The following POFUT3 variants were observed in gnomAD, a reference collection of about 807,000 sequenced individuals.
The protein encoded by POFUT3 is protein O-fucosyltransferase 3.
chr8:33,444,737 G>C, the POFUT3 span, among the ~76,000 whole-genome samples: 6 of 151,980 alleles, frequency 3.9e-5, no homozygotes, highest in African/African-American at 1.5e-4. Flanking sequence ...AGAATCACTT[G>C]AACCCAGGAG....
the POFUT3 span, among the ~76,000 whole-genome samples, chr8:33,315,669 G>A: frequency 6.6e-6 from 1 of 152,078 alleles, no homozygotes; most frequent in East Asian, 1.9e-4. Flanking sequence ...GTTGGGATAA[G>A]TTTTATTGCT....
chr8:33,429,988 T>C, the POFUT3 span, among the ~76,000 whole-genome samples: 1 of 103,940 alleles, frequency 9.6e-6, no homozygotes, highest in Non-Finnish European at 1.9e-5. Context: ...AGAGTGAGAC[T>C]CCATCTCAAA....
chr8:33,395,124 T>C, the POFUT3 span, among the ~76,000 whole-genome samples: 793 of 152,270 alleles, frequency 5.2e-3, 5 homozygotes, highest in Non-Finnish European at 6.8e-3. Context: ...GTGGGAATGA[T>C]ACAGACAGGA....
At chr8:33,337,176 TG>T in the POFUT3 span, among the ~76,000 whole-genome samples, 6,404 of 152,238 alleles carry the variant, frequency 0.042, 420 homozygotes, top group African/African-American at 0.15. Flanking sequence ...AAGGGAAAAG[TG>T]GCTACATTTA....
the POFUT3 span, among the ~76,000 whole-genome samples, chr8:33,385,343 T>G: frequency 2.0e-5 from 3 of 152,256 alleles, no homozygotes; most frequent in East Asian, 5.8e-4. Context: ...TTGAATTCAT[T>G]GTGCAAGCAG....
the POFUT3 span, among the ~76,000 whole-genome samples, chr8:33,311,815 G>C: frequency 6.6e-6 from 1 of 152,074 alleles, no homozygotes; most frequent in South Asian, 2.1e-4. Context: ...GTGGTGGATA[G>C]AATCATGTCC....
At chr8:33,460,602 A>AT in the POFUT3 span, 1 of 295,208 alleles carries the variant, frequency 3.4e-6, no homozygotes, top group East Asian at 1.7e-4. Context: ...TTCAAAAGTG[A>AT]TAACAATAGG....
the POFUT3 span, among the ~76,000 whole-genome samples, chr8:33,381,597 A>T: frequency 6.6e-6 from 1 of 152,204 alleles, no homozygotes; most frequent in Admixed American, 6.5e-5. Flanking sequence ...TCTGGTGGTG[A>T]TTTAGTACCA....
chr8:33,448,801 G>A, the POFUT3 span, among the ~76,000 whole-genome samples: 15 of 152,010 alleles, frequency 9.9e-5, no homozygotes, highest in African/African-American at 3.6e-4. Context: ...AGGCATGGTG[G>A]TGCACTCCTA....
At chr8:33,460,750 A>G in the POFUT3 span, 5 of 985,202 alleles carry the variant, frequency 5.1e-6, no homozygotes, top group Non-Finnish European at 6.0e-6. Flanking sequence ...TGACACGTCC[A>G]TTCACTAAAC....
the POFUT3 span, among the ~76,000 whole-genome samples, chr8:33,422,991 A>AT: frequency 6.6e-6 from 1 of 151,954 alleles, no homozygotes; most frequent in South Asian, 2.1e-4. Context: ...AATTCTTTGT[A>AT]TTTTTTGTAA....
chr8:33,359,366 T>C, the POFUT3 span, among the ~76,000 whole-genome samples: 1 of 152,222 alleles, frequency 6.6e-6, no homozygotes, highest in African/African-American at 2.4e-5. Flanking sequence ...TATTCTCAAA[T>C]TGCCACTTCT....
At chr8:33,414,167 A>T in the POFUT3 span, among the ~76,000 whole-genome samples, 3 of 152,102 alleles carry the variant, frequency 2.0e-5, no homozygotes, top group African/African-American at 4.8e-5. Flanking sequence ...AACCACCAAG[A>T]GGCGATTAAA....
the POFUT3 span, among the ~76,000 whole-genome samples, chr8:33,352,203 C>T: frequency 1.2e-4 from 19 of 152,268 alleles, no homozygotes; most frequent in South Asian, 2.1e-3. Flanking sequence ...AAATTTCACA[C>T]GCTTACAAAA....
chr8:33,309,170 AT>A, the POFUT3 span, among the ~76,000 whole-genome samples: 556 of 41,792 alleles, frequency 0.013, 12 homozygotes, highest in Middle Eastern at 0.024. Flanking sequence ...AAAAAAAAAT[AT>A]ATATATATAT....
At chr8:33,398,070 A>G in the POFUT3 span, among the ~76,000 whole-genome samples, 1 of 152,238 alleles carries the variant, frequency 6.6e-6, no homozygotes, top group Non-Finnish European at 1.5e-5. Flanking sequence ...AATCTAGACT[A>G]ACAAAAATGC....
the POFUT3 span, among the ~76,000 whole-genome samples, chr8:33,363,271 T>C: frequency 6.6e-6 from 1 of 152,100 alleles, no homozygotes; most frequent in African/African-American, 2.4e-5. Context: ...TTTAAAGCAG[T>C]GTGTAGAGGG....
At chr8:33,467,218 A>G in the POFUT3 span, among the ~76,000 whole-genome samples, 11 of 137,456 alleles carry the variant, frequency 8.0e-5, no homozygotes, top group Non-Finnish European at 1.5e-4. Flanking sequence ...GGTTGCAGTG[A>G]GCCGAGATCA....
the POFUT3 span, among the ~76,000 whole-genome samples, chr8:33,347,460 A>C: frequency 0.035 from 5,321 of 152,312 alleles, 128 homozygotes; most frequent in Non-Finnish European, 0.052. Context: ...AGGCATTGGC[A>C]CATGAAAATA....
Sources: allele counts gnomAD v4.1 joint callset (sites outside exome capture counted in the v4.1 genomes callset), GRCh38; gene constraint gnomAD v4.1.1; transcripts MANE v1.5; gene names NCBI Gene and HGNC (gene_info 2026-07-23, HGNC 2026-07-21).